Variants in BCL11B observed in about 807,000 individuals in gnomAD.
BCL11B encodes the protein B-cell lymphoma/leukemia 11B.
Under a neutral mutation model 49.9 loss-of-function variants are expected in BCL11B, and 8 were observed. The observed-to-expected ratio is 0.16, with a 90% confidence interval of 0.09 to 0.29. The LOEUF is 0.29. BCL11B is among the 10% of genes least tolerant of loss of function. BCL11B has a pLI of 1.00. For missense variants in BCL11B, 1,006 were observed against 1,351.0 expected (o/e 0.74, Z 4.00); for synonymous variants, 739 against 637.4 (o/e 1.16, Z -2.40).
In BCL11B at chr14:99,271,195, G is replaced by A; in HGVS notation, c.24C>T (p.Asn8=). MSRRKQG[N]PQHLSQRELI... Reference sequence around the variant, plus strand: ...GCTCCCTCTGGGACAAGTGCTGCGGGTTGCCCTGTTTGCGGCGGGACATTG... The same window carrying A: ...GCTCCCTCTGGGACAAGTGCTGCGGATTGCCCTGTTTGCGGCGGGACATTG... The change falls in exon 1 of 4, where the codon AAC becomes AAT. Residue 8 remains asparagine, a synonymous_variant. Transcript: ENST00000357195. The A allele has an allele frequency of 6.5e-7, 1 of 1,540,980 alleles. No homozygotes were observed. Among genetic ancestry groups the A allele is most frequent in the East Asian group, 2.7e-5 (1 of 37,268 alleles).
intron 3 of BCL11B, among the ~76,000 whole-genome samples, chr14:99,193,293 C>G (rs1186815200): frequency 3.3e-5 from 5 of 152,168 alleles, no homozygotes; most frequent in Non-Finnish European, 7.3e-5. Flanking sequence ...CCCGCTAATA[C>G]ACAATTAACA....
At chr14:99,190,891 G>A (rs1037835581) in intron 3 of BCL11B, among the ~76,000 whole-genome samples, 5 of 132,842 alleles carry the variant, frequency 3.8e-5, no homozygotes, top group African/African-American at 1.2e-4. Flanking sequence ...CACTCCCACC[G>A]CCCGCTTCGG....
chr14:99,202,920 G>A (rs899528888), intron 3 of BCL11B, among the ~76,000 whole-genome samples: 7 of 152,178 alleles, frequency 4.6e-5, no homozygotes, highest in African/African-American at 1.4e-4. Context: ...TCAAACCCCC[G>A]CCAAGAATCC....
chr14:99,220,865 T>G (rs779099452), intron 3 of BCL11B, among the ~76,000 whole-genome samples: 8 of 152,156 alleles, frequency 5.3e-5, no homozygotes, highest in Non-Finnish European at 1.2e-4. Flanking sequence ...ATTTTTTTTA[T>G]TTTTAGACAG....
chr14:99,191,433 T>C (rs1438727718), intron 3 of BCL11B, among the ~76,000 whole-genome samples: 1 of 145,876 alleles, frequency 6.9e-6, no homozygotes, highest in Non-Finnish European at 1.5e-5. Flanking sequence ...AAAGAGAAAG[T>C]GGGGAGTCAG....
chr14:99,188,776 G>A (rs1393210623), intron 3 of BCL11B, among the ~76,000 whole-genome samples: 1 of 152,234 alleles, frequency 6.6e-6, no homozygotes, highest in Non-Finnish European at 1.5e-5. Context: ...AGCCCCAGCT[G>A]TACCACCGGC....
chr14:99,206,088 G>A (rs1397894184), intron 3 of BCL11B, among the ~76,000 whole-genome samples: 1 of 152,186 alleles, frequency 6.6e-6, no homozygotes, highest in East Asian at 1.9e-4. Flanking sequence ...TCTCTCTCCA[G>A]GAGCAGAGGC....
rs1263903635 is a variant in BCL11B, at chr14:99,231,264, G to A, written c.640+81C>T. ...GGTGGGAGCTGCCCTTCCTCCCTGG[G>A]TCCCCACCTTGCTCCAGCGCTGCCC... On this transcript the variant is annotated intron_variant, in intron 3 of 3. Coordinates refer to ENST00000357195, the MANE Select transcript of BCL11B (RefSeq NM_138576.4). The surrounding 1 kb of genome is among the most constrained non-coding windows in gnomAD (Gnocchi z 8.1). The A allele has an allele frequency of 3.6e-5, 52 of 1,459,750 alleles. No individual in the cohort carries two copies. In the East Asian group the frequency reaches 1.2e-3, roughly 34 times the overall value. The allele number at this position is 1,459,750 out of a possible 1,614,324, so 90.4% of individuals were successfully genotyped here.
intron 2 of BCL11B, among the ~76,000 whole-genome samples, chr14:99,238,220 G>A (rs538672569): frequency 2.3e-4 from 35 of 152,220 alleles, no homozygotes; most frequent in African/African-American, 8.4e-4. Context: ...AAAATGGAGA[G>A]GCAGAGCCAA....
intron 3 of BCL11B, among the ~76,000 whole-genome samples, chr14:99,188,443 T>G (rs1483030550): frequency 6.6e-6 from 1 of 152,106 alleles, no homozygotes; most frequent in African/African-American, 2.4e-5. Context: ...TTTGCCCGGG[T>G]GGATAGGCTC....
rs1466982907 is a variant in BCL11B at position 99,232,236 on chromosome 14, G to A, written c.428-679C>T. ...CTGGCGCTGCTCACCCCCTCCTAAC[G>A]TCTCGGCCTGGCTTGGGAGGCCTCC... On this transcript the variant is annotated intron_variant, in intron 2 of 3. Coordinates refer to ENST00000357195, the MANE Select transcript of BCL11B (RefSeq NM_138576.4). The surrounding 1 kb of genome is among the most constrained non-coding windows in gnomAD (Gnocchi z 5.1). Among the ~76,000 whole-genome samples, 1 of 151,858 alleles carries A rather than the reference G, an allele frequency of 6.6e-6. No individual in the cohort carries two copies. Among genetic ancestry groups the A allele is most frequent in the Non-Finnish European group, 1.5e-5 (1 of 67,932 alleles).
intron 2 of BCL11B, among the ~76,000 whole-genome samples, chr14:99,235,776 T>C (rs1888479996): frequency 6.6e-6 from 1 of 152,078 alleles, no homozygotes; most frequent in Non-Finnish European, 1.5e-5. Flanking sequence ...CAAGGACTGT[T>C]TGACAAGTTT....
At chr14:99,199,683 T>TGTGCGCGCGCGCGC (rs759599743) in intron 3 of BCL11B, among the ~76,000 whole-genome samples, 2 of 73,736 alleles carry the variant, frequency 2.7e-5, no homozygotes, top group Non-Finnish European at 4.1e-5. Context: ...TGTGTGTGTG[T>TGTGCGCGCGCGCGC]GCGCGCGCGC....
intron 3 of BCL11B, among the ~76,000 whole-genome samples, chr14:99,207,703 G>C (rs1221290282): frequency 6.6e-6 from 1 of 152,200 alleles, no homozygotes; most frequent in Non-Finnish European, 1.5e-5. Context: ...GCTTTTCCCG[G>C]AGAGTAAACA....
Position 99,192,375 on chromosome 14 carries a change from G to C in BCL11B, c.641-16180C>G, listed in dbSNP as rs1042759611. On this transcript the variant is annotated intron_variant, in intron 3 of 3. Transcript: ENST00000357195. The surrounding 1 kb of genome is among the most constrained non-coding windows in gnomAD (Gnocchi z 4.0). ...AGCCCTTTAAATGGGGAACAGAGCA[G>C]GGCTTTCGGGGCCCCGCTCGCCACA... 2.0e-5 allele frequency among the ~76,000 whole-genome samples: 3 copies of C among 152,208 alleles called. No homozygotes were observed. The highest frequency in any genetic ancestry group is 4.4e-5 in the Non-Finnish European group (3 of 68,034).
At chr14:99,181,638 C>T (rs1369569955) in intron 3 of BCL11B, among the ~76,000 whole-genome samples, 1 of 152,242 alleles carries the variant, frequency 6.6e-6, no homozygotes, top group Non-Finnish European at 1.5e-5. Flanking sequence ...GGAACCCGGT[C>T]AGGTCCACCA....
rs1160223664 is a variant in BCL11B, at chr14:99,175,851, G to A, written c.985C>T (p.Arg329Cys). Residue 329 changes from arginine (R) to cysteine (C), a missense_variant, in exon 4 of 4, where the codon CGC (arginine) becomes TGC (cysteine). Physicochemically the swap from Arg to Cys is radical, Grantham distance 180. This residue lies in a region of BCL11B where 411 missense variants were observed against 542.2 expected (regional missense o/e 0.76). Coordinates refer to ENST00000357195, the MANE Select transcript of BCL11B (RefSeq NM_138576.4). ...AGCCCCATCTCCTCGGCACTGAGGC[G>A]GTGCGGGTCCAGGTGGTGGCGCGGC... is the stretch of plus-strand genomic sequence containing the variant. ...PPPRHHLDPHRLSAEEMGLVA... is the reference protein window; with the variant it reads ...PPPRHHLDPHCLSAEEMGLVA... The A allele has an allele frequency of 6.8e-7, 1 of 1,478,042 alleles. No homozygotes were observed. Among genetic ancestry groups the A allele is most frequent in the Non-Finnish European group, 8.9e-7 (1 of 1,119,992 alleles). The allele number at this position is 1,478,042 out of a possible 1,614,324, so 91.6% of individuals were successfully genotyped here.
rs554456950 is a variant in BCL11B, at chr14:99,246,766, C to G, written c.427+10705G>C. ...GCGGGGGAGGCTGTCTTGCGGGCGGCGGAGAGGATGGGTATGATTTGCTCG... is the reference window on the plus strand; with the variant it reads ...GCGGGGGAGGCTGTCTTGCGGGCGGGGGAGAGGATGGGTATGATTTGCTCG... On this transcript the variant is annotated intron_variant, in intron 2 of 3. Transcript: ENST00000357195. Among the ~76,000 whole-genome samples the G allele has an allele frequency of 5.3e-5, 8 of 152,048 alleles. No individual in the cohort carries two copies. In the South Asian group the frequency reaches 8.3e-4, roughly 16 times the overall value.
chr14:99,207,778 G>A lies in BCL11B; in HGVS notation c.640+23567C>T, dbSNP rs115955926. On this transcript the variant is annotated intron_variant, in intron 3 of 3. Coordinates refer to ENST00000357195, the MANE Select transcript of BCL11B (RefSeq NM_138576.4). ...GGGCAGAGTCTGGCCAGGCCAAAGGGCAGAGGCACCCAGGAGCCCAGTGGA... is the reference window on the plus strand; with the variant it reads ...GGGCAGAGTCTGGCCAGGCCAAAGGACAGAGGCACCCAGGAGCCCAGTGGA... 5.7e-3 allele frequency among the ~76,000 whole-genome samples: 863 copies of A among 152,286 alleles called. 9 individuals are homozygous for A. The highest frequency in any genetic ancestry group is 0.02 in the African/African-American group (840 of 41,562).
Sources: allele counts gnomAD v4.1 joint callset (sites outside exome capture counted in the v4.1 genomes callset), GRCh38; gene constraint gnomAD v4.1.1; regional missense constraint gnomAD v4.1.1; non-coding constraint Gnocchi (gnomAD v3.1); transcripts MANE v1.5; gene names NCBI Gene and HGNC (gene_info 2026-07-23, HGNC 2026-07-21).